Variants in SCUBE2 observed in about 807,000 individuals in gnomAD.
The protein encoded by SCUBE2 is signal peptide, CUB and EGF-like domain-containing protein 2.
In SCUBE2, 114 loss-of-function variants were observed where a neutral mutation model predicts 125.9. The observed-to-expected ratio is 0.91, with a 90% CI of 0.78 to 1.06. The LOEUF is 1.06. SCUBE2 is among the 50% of genes least tolerant of loss of function. SCUBE2 has a pLI of 0.00. For missense variants in SCUBE2, 1,255 were observed against 1,301.8 expected, an observed-to-expected ratio of 0.96 and a Z score of 0.55; for synonymous variants, 459 against 492.9, an observed-to-expected ratio of 0.93 and a Z score of 0.91.
At chr11:9,046,672 T>A (rs1257274775) in intron 16 of SCUBE2, among the ~76,000 whole-genome samples, 3 of 152,224 alleles carry the variant, frequency 2.0e-5, no homozygotes, top group African/African-American at 7.2e-5. Flanking sequence ...GAATTTTAAA[T>A]GAGAACAGAT....
Position 9,091,388 on chromosome 11 carries a change from A to T in SCUBE2, c.133+8T>A. On this transcript the variant is annotated splice_region_variant and intron_variant, in intron 1 of 22. Transcript: ENST00000649792. The surrounding 1 kb of genome is among the most constrained non-coding windows in gnomAD (Gnocchi z 8.5). ...GTGCCAGGTGCGCCCCCGCGGCCGG[A>T]CACTCACCCTCCTGCGGCCCCGCGG... is the stretch of plus-strand genomic sequence containing the variant. 7.6e-7 allele frequency: 1 copy of T among 1,311,576 alleles called. No individual in the cohort carries two copies. Among genetic ancestry groups the T allele is most frequent in the Non-Finnish European group, 9.6e-7 (1 of 1,036,676 alleles). 81.2% of individuals were successfully genotyped at this position (1,311,576 alleles called of 1,614,324 possible). A position where few individuals can be genotyped will look rare whatever the true frequency, so the allele number is the denominator to read the frequency against.
intron 3 of SCUBE2, among the ~76,000 whole-genome samples, chr11:9,078,948 G>A (rs990379924): frequency 6.6e-6 from 1 of 152,036 alleles, no homozygotes; most frequent in Non-Finnish European, 1.5e-5. Context: ...TTCTGTTTTA[G>A]TTTCTCTCTT....
rs1855226483 is a variant in SCUBE2 at position 9,020,623 on chromosome 11, G to A, written c.*422C>T. On this transcript the variant is annotated 3_prime_UTR_variant, in exon 23 of 23. Coordinates refer to ENST00000649792, the MANE Select transcript of SCUBE2 (RefSeq NM_001367977.2). ...GTCAGAGCCTGCACACGAGTGCAGAGGGCTCCCTTAGAGAGGGCCGGGCTA... is the reference window on the plus strand; with the variant it reads ...GTCAGAGCCTGCACACGAGTGCAGAAGGCTCCCTTAGAGAGGGCCGGGCTA... The A allele has an allele frequency of 6.6e-6, 1 of 152,568 alleles. No individual in the cohort carries two copies. The highest frequency in any genetic ancestry group is 2.1e-4 in the South Asian group (1 of 4,830). 9.5% of individuals were successfully genotyped at this position (152,568 alleles called of 1,614,324 possible).
chr11:9,051,710 T>G (rs768540349), intron 13 of SCUBE2, among the ~76,000 whole-genome samples: 2 of 152,198 alleles, frequency 1.3e-5, no homozygotes, highest in African/African-American at 4.8e-5. Flanking sequence ...TTATAGTACC[T>G]ATATTACCAG....
Position 9,074,623 on chromosome 11 carries a change from G to GA in SCUBE2, c.383-9dup. On this transcript the variant is annotated splice_polypyrimidine_tract_variant and intron_variant, in intron 3 of 22. Coordinates refer to ENST00000649792, the MANE Select transcript of SCUBE2 (RefSeq NM_001367977.2). ...CCAGGCACTCGTCCACATCTGGAAGGAGAGAGGGATTAGCCTTTGCTTTGG... is the reference window on the plus strand; with the variant it reads ...CCAGGCACTCGTCCACATCTGGAAGGAAGAGAGGGATTAGCCTTTGCTTTGG... 1.2e-6 allele frequency: 2 copies of GA among 1,614,154 alleles called. No individual in the cohort carries two copies. The highest frequency in any genetic ancestry group is 1.7e-6 in the Non-Finnish European group (2 of 1,179,996).
chr11:9,069,536 C>G (rs919293870), intron 4 of SCUBE2, 41 bp from the exon 5 acceptor site: 1 of 1,612,318 alleles, frequency 6.2e-7, no homozygotes, highest in African/African-American at 1.3e-5. Flanking sequence ...AGGCTGTGGT[C>G]AGAATCCTGA....
In SCUBE2 at chr11:9,047,399, T is replaced by C; in HGVS notation, c.1959A>G (p.Ala653=). The C allele has an allele frequency of 6.2e-7, 1 of 1,614,216 alleles. No homozygotes were observed. Among genetic ancestry groups the C allele is most frequent in the Non-Finnish European group, 8.5e-7 (1 of 1,180,032 alleles). The stretch of plus-strand genomic sequence containing the variant: ...GACCCTGGCCCACTCCACAGGACTC[T>C]GCCTGGCGTTCAGATGTTCTGGGAG... The part of the protein sequence containing the change: ...KKPPRTSERQ[A]ESCGVGQGHA... The change falls in exon 16 of 23, where the codon GCA becomes GCG. Residue 653 remains alanine, a synonymous_variant. Transcript: ENST00000649792.
chr11:9,038,598 G>A (rs1361758546), intron 16 of SCUBE2, among the ~76,000 whole-genome samples: 2 of 152,170 alleles, frequency 1.3e-5, no homozygotes, highest in Non-Finnish European at 2.9e-5. Flanking sequence ...CTGGGTGACA[G>A]AGCAAGACCC....
At chr11:9,022,165 G>A (rs907507151) in intron 21 of SCUBE2, 37 of 518,380 alleles carry the variant, frequency 7.1e-5, no homozygotes, top group East Asian at 4.0e-4. Context: ...CATCTTCCCC[G>A]TCCCCTCTTC....
intron 16 of SCUBE2, among the ~76,000 whole-genome samples, chr11:9,046,121 C>T (rs1435701095): frequency 1.3e-5 from 2 of 151,456 alleles, no homozygotes; most frequent in Non-Finnish European, 2.9e-5. Flanking sequence ...ATTCTCCTGC[C>T]TCAGCCTCCC....
chr11:9,029,778 G>T lies in SCUBE2; in HGVS notation c.2503+106C>A, dbSNP rs545366530. Reference sequence around the variant, plus strand: ...GAGCTGGGCTCATAACATCTACATGGTTCTGAGTGAACCTGGGACCTCTGC... The same window carrying T: ...GAGCTGGGCTCATAACATCTACATGTTTCTGAGTGAACCTGGGACCTCTGC... On this transcript the variant is annotated intron_variant, in intron 19 of 22. Transcript: ENST00000649792. 34 of 1,247,568 alleles carry T rather than the reference G, an allele frequency of 2.7e-5. No individual in the cohort carries two copies. The Admixed American group carries it at 5.9e-4, about 22-fold the overall frequency. 77.3% of individuals were successfully genotyped at this position (1,247,568 alleles called of 1,614,324 possible).
chr11:9,072,690 T>A (rs767147005), intron 4 of SCUBE2, among the ~76,000 whole-genome samples: 1 of 152,190 alleles, frequency 6.6e-6, no homozygotes, highest in Non-Finnish European at 1.5e-5. Context: ...TGCCAAGCAA[T>A]CAGGTTGAAA....
At chr11:9,044,484 G>A (rs1168797757) in intron 16 of SCUBE2, among the ~76,000 whole-genome samples, 1 of 152,000 alleles carries the variant, frequency 6.6e-6, no homozygotes, top group African/African-American at 2.4e-5. Flanking sequence ...CTCCCACCTC[G>A]GCCTCCCAAA....
Position 9,079,419 on chromosome 11 carries a change from C to A in SCUBE2, c.347G>T (p.Gly116Val). 7 of 1,614,048 alleles carry A rather than the reference C, an allele frequency of 4.3e-6. No individual in the cohort carries two copies. Among genetic ancestry groups the A allele is most frequent in the Non-Finnish European group, 5.9e-6 (7 of 1,179,966 alleles). Residue 116 changes from glycine (G) to valine (V), a missense_variant, in exon 3 of 23, where the codon GGC becomes GTC. Physicochemically the swap from Gly to Val is moderately radical, Grantham distance 109 (BLOSUM62 -3). Coordinates refer to ENST00000649792, the MANE Select transcript of SCUBE2 (RefSeq NM_001367977.2). ...PGNYRCTCFD[G>V]FMLAHDGHNC... ...ATGACCGTCATGAGCCAACATGAAG[C>A]CATCAAAACAAGTGCAACGATAATT... is the stretch of plus-strand genomic sequence containing the variant.
At chr11:9,079,066 GA>G (rs34108362) in intron 3 of SCUBE2, among the ~76,000 whole-genome samples, 124,759 of 150,954 alleles carry the variant, frequency 0.83, 51,772 homozygotes, top group Middle Eastern at 0.91. Context: ...TTACAGCATT[GA>G]AAAAAAAAAT....
At chr11:9,052,704 C>T in intron 13 of SCUBE2, 42 bp downstream of exon 13, 3 of 1,422,240 alleles carry the variant, frequency 2.1e-6, no homozygotes, top group Middle Eastern at 1.7e-4. Context: ...GCCCCTTGAA[C>T]ACAGTGAGCC....
chr11:9,087,333 G>A (rs1298164330), intron 2 of SCUBE2, among the ~76,000 whole-genome samples: 4 of 152,206 alleles, frequency 2.6e-5, no homozygotes, highest in African/African-American at 9.7e-5. Context: ...CACAGCAACT[G>A]GAGGACGTGA....
At chr11:9,052,009 C>A (rs1366038869) in intron 13 of SCUBE2, among the ~76,000 whole-genome samples, 1 of 152,202 alleles carries the variant, frequency 6.6e-6, no homozygotes, top group African/African-American at 2.4e-5. Context: ...TTATCTAAAC[C>A]ACTTTGAGTA....
At chr11:9,051,200 ATCT>A (rs1566200371) in intron 13 of SCUBE2, among the ~76,000 whole-genome samples, 213 of 147,242 alleles carry the variant, frequency 1.4e-3, no homozygotes, top group Admixed American at 0.01. Flanking sequence ...CTATCTATCT[ATCT>A]ATCTATCTAT....
Sources: gnomAD v4.1 joint callset for allele counts (sites outside exome capture counted in the v4.1 genomes callset) on GRCh38, gnomAD v4.1.1 for gene constraint, Gnocchi (gnomAD v3.1) non-coding constraint, MANE v1.5 for transcripts, NCBI Gene and HGNC (gene_info 2026-07-23, HGNC 2026-07-21) for gene names.